The following PTPN21 variants were observed in gnomAD, a reference collection of about 807,000 sequenced individuals.
PTPN21 encodes the protein tyrosine-protein phosphatase non-receptor type 21.
In PTPN21, 77 loss-of-function variants were observed where a neutral mutation model predicts 131.8. That is an observed-to-expected ratio of 0.58 (90% CI 0.49 to 0.71). The LOEUF (loss-of-function observed/expected upper bound fraction) is 0.71. Ranked by LOEUF, PTPN21 falls within the 30% of genes least tolerant of loss-of-function variation. PTPN21 has a pLI of 0.00. For missense variants in PTPN21, 1,552 were observed against 1,527.1 expected, an observed-to-expected ratio of 1.02 and a Z score of -0.27; for synonymous variants, 715 against 621.3, an observed-to-expected ratio of 1.15 and a Z score of -2.24.
rs776573397 is a variant in PTPN21, at chr14:88,507,874, C to T, written c.448+49G>A. 4.2e-6 allele frequency: 5 copies of T among 1,182,268 alleles called. No homozygotes were observed. The South Asian group carries it at 7.2e-5, about 17-fold the overall frequency. The allele number at this position is 1,182,268 out of a possible 1,614,324, so 73.2% of individuals were successfully genotyped here. A position where few individuals can be genotyped will look rare whatever the true frequency, so the allele number is the denominator to read the frequency against. On this transcript the variant is annotated intron_variant, in intron 4 of 18. Transcript: ENST00000556564. ...AAAATCCCTTGCTATTTTGTTGTAA[C>T]ACATTTTAATCTGATAGAACCATTT...
At chr14:88,534,027 T>C (rs1315629297) in intron 2 of PTPN21, among the ~76,000 whole-genome samples, 1 of 152,110 alleles carries the variant, frequency 6.6e-6, no homozygotes, top group African/African-American at 2.4e-5. Context: ...TTGATGATCC[T>C]GACCCTGTTT....
At chr14:88,493,450 C>T (rs73315965) in intron 10 of PTPN21, among the ~76,000 whole-genome samples, 5,614 of 152,218 alleles carry the variant, frequency 0.037, 350 homozygotes, top group African/African-American at 0.13. Flanking sequence ...AGATGCCTTC[C>T]TGGAGTCAGA....
At chr14:88,468,378 TC>T in intron 18 of PTPN21, 113 bp from the exon 19 acceptor site, 1 of 1,055,634 alleles carries the variant, frequency 9.5e-7, no homozygotes, top group Non-Finnish European at 1.3e-6. Context: ...CAGTCTCTTT[TC>T]CACCTTAGCG....
rs996543570 is a variant in PTPN21 at position 88,467,051 on chromosome 14, T to TG, written c.*1085dup. On this transcript the variant is annotated 3_prime_UTR_variant, in exon 19 of 19. Transcript: ENST00000556564. ...CTTGAATTCCCTGGGGACAGTGCTG[T>TG]GGGGTCCCCTGCTCGCCATCCCAGC... is the stretch of plus-strand genomic sequence containing the variant. 8 of 152,182 alleles carry TG rather than the reference T, an allele frequency of 5.3e-5. No homozygotes were observed. Among genetic ancestry groups the TG allele is most frequent in the African/African-American group, 1.9e-4 (8 of 41,432 alleles). The allele number at this position is 152,182 out of a possible 1,614,324, so 9.4% of individuals were successfully genotyped here. A position where few individuals can be genotyped will look rare whatever the true frequency, so the allele number is the denominator to read the frequency against.
rs776145921 is a variant in PTPN21 at position 88,469,487 on chromosome 14, A to T, written c.3235+12T>A. 1 of 1,594,284 alleles carries T rather than the reference A, an allele frequency of 6.3e-7. No individual in the cohort carries two copies. The highest frequency in any genetic ancestry group is 8.6e-7 in the Non-Finnish European group (1 of 1,162,144). ...AGGCAGCTGTCCTCGGAACAAAGTT[A>T]AAGTCACTCACATAAAAATCCCTTG... On this transcript the variant is annotated intron_variant, in intron 17 of 18. Transcript: ENST00000556564. This position sits in a 1 kb window ranked among gnomAD's most constrained non-coding sequence, Gnocchi z 4.3.
chr14:88,532,196 GTACCAATCCTA>G (rs753597325), intron 2 of PTPN21, among the ~76,000 whole-genome samples: 7 of 150,558 alleles, frequency 4.6e-5, no homozygotes, highest in Non-Finnish European at 7.4e-5. Context: ...AGAAGAATTG[GTACCAATCCTA>G]CTGAAACTAT....
At chr14:88,532,078 C>T (rs1045053129) in intron 2 of PTPN21, among the ~76,000 whole-genome samples, 1 of 151,188 alleles carries the variant, frequency 6.6e-6, no homozygotes, top group Non-Finnish European at 1.5e-5. Flanking sequence ...CTGGACAGAC[C>T]AATAACAAGT....
Position 88,503,290 on chromosome 14 carries a change from T to A in PTPN21, c.587+1135A>T, listed in dbSNP as rs540049557. On this transcript the variant is annotated intron_variant, in intron 6 of 18. Coordinates refer to ENST00000556564, the MANE Select transcript of PTPN21 (RefSeq NM_007039.4). Reference sequence around the variant, plus strand: ...ACCTCGTGATCTGCCCACCTCAGCCTCCCAAGTGCTGGGATTACAGGTGTG... The same window carrying A: ...ACCTCGTGATCTGCCCACCTCAGCCACCCAAGTGCTGGGATTACAGGTGTG... Among the ~76,000 whole-genome samples the A allele has an allele frequency of 1.3e-4, 20 of 152,318 alleles. No individual in the cohort carries two copies. The Middle Eastern group carries it at 0.014, about 104-fold the overall frequency.
rs2078816452 is a variant in PTPN21, at chr14:88,548,618, C to T, written c.180+1620G>A. Among the ~76,000 whole-genome samples the T allele has an allele frequency of 3.9e-5, 6 of 152,152 alleles. 1 individual carries two copies. In the South Asian group the frequency reaches 1.2e-3, roughly 31 times the overall value. ...CTTCCAAGTATGTATGTGCTTGGCACTTACGCATCTTCAGTACTGAGTGAT... is the reference window on the plus strand; with the variant it reads ...CTTCCAAGTATGTATGTGCTTGGCATTTACGCATCTTCAGTACTGAGTGAT... On this transcript the variant is annotated intron_variant, in intron 2 of 18. Coordinates refer to ENST00000556564, the MANE Select transcript of PTPN21 (RefSeq NM_007039.4).
chr14:88,479,789 G>GCAGCTGCGCATTGGT lies in PTPN21; in HGVS notation c.1627_1641dup (p.Thr543_Leu547dup), dbSNP rs2077616284. Reference sequence around the variant, plus strand: ...TTGGGAGACGGGTAGTCCTGCGCCTGCAGCTGCGCATTGGTCAGCTCCGGC... The same window carrying GCAGCTGCGCATTGGT: ...TTGGGAGACGGGTAGTCCTGCGCCTGCAGCTGCGCATTGGTCAGCTGCGCATTGGTCAGCTCCGGC... On this transcript the variant is annotated inframe_insertion, in exon 13 of 19. Coordinates refer to ENST00000556564, the MANE Select transcript of PTPN21 (RefSeq NM_007039.4). 1 of 1,545,332 alleles carries GCAGCTGCGCATTGGT rather than the reference G, an allele frequency of 6.5e-7. No homozygotes were observed. The highest frequency in any genetic ancestry group is 2.3e-5 in the East Asian group (1 of 44,440).
chr14:88,521,408 A>AT (rs889716568), intron 2 of PTPN21, among the ~76,000 whole-genome samples: 208 of 145,702 alleles, frequency 1.4e-3, no homozygotes, highest in Middle Eastern at 3.5e-3. Flanking sequence ...ACAGCAGGTC[A>AT]TTTTTTTTTT....
At position 88,467,950 on chromosome 14, in the gene PTPN21, A is replaced by G; in HGVS notation, c.*187T>C. 2 of 773,360 alleles carry G rather than the reference A, an allele frequency of 2.6e-6. No individual in the cohort carries two copies. The highest frequency in any genetic ancestry group is 1.6e-5 in the South Asian group (1 of 61,626). 47.9% of individuals were successfully genotyped at this position (773,360 alleles called of 1,614,324 possible). ...CCTCCTTGAGCACCTTTCCCAGGTT[A>G]GAAACCCCTCTTCAGCCTGTGCTTC... On this transcript the variant is annotated 3_prime_UTR_variant, in exon 19 of 19. Transcript: ENST00000556564.
chr14:88,473,531 T>C (rs2077501888), intron 14 of PTPN21, 134 bp downstream of exon 14: 2 of 1,043,250 alleles, frequency 1.9e-6, no homozygotes, highest in Non-Finnish European at 1.4e-6. Flanking sequence ...TTGAGGCCCA[T>C]ATTACAAAAT....
At chr14:88,485,894 T>C in intron 10 of PTPN21, 52 bp from the exon 11 acceptor site, 1 of 1,125,580 alleles carries the variant, frequency 8.9e-7, no homozygotes, top group Non-Finnish European at 1.3e-6. Context: ...TCTCTTAAAT[T>C]CTACCAAAAC....
chr14:88,531,385 C>T (rs1426532910), intron 2 of PTPN21, among the ~76,000 whole-genome samples: 1 of 152,150 alleles, frequency 6.6e-6, no homozygotes, highest in South Asian at 2.1e-4. Context: ...AGTGAAACCC[C>T]ATCTCTACTA....
At chr14:88,495,042 A>G (rs2077887761) in intron 10 of PTPN21, among the ~76,000 whole-genome samples, 2 of 114,492 alleles carry the variant, frequency 1.7e-5, no homozygotes, top group Admixed American at 1.6e-4. Context: ...AAAAAAAAGA[A>G]GAGTGTCAGT....
At chr14:88,549,782 A>G (rs2078833989) in intron 2 of PTPN21, among the ~76,000 whole-genome samples, 1 of 137,576 alleles carries the variant, frequency 7.3e-6, no homozygotes, top group East Asian at 2.1e-4. Flanking sequence ...TTTTTTTTTG[A>G]GCAGGTGTCT....
intron 2 of PTPN21, among the ~76,000 whole-genome samples, chr14:88,546,203 A>G (rs1215852486): frequency 6.6e-6 from 1 of 151,638 alleles, no homozygotes; most frequent in Non-Finnish European, 1.5e-5. Context: ...AGTGTAAGAA[A>G]CACTACTGAT....
At chr14:88,473,329 A>G (rs181174849) in intron 14 of PTPN21, among the ~76,000 whole-genome samples, 117 of 152,278 alleles carry the variant, frequency 7.7e-4, no homozygotes, top group African/African-American at 2.7e-3. Context: ...ATAAAAGTCA[A>G]TGTCTGCTGC....
Sources: allele counts gnomAD v4.1 joint callset (sites outside exome capture counted in the v4.1 genomes callset), GRCh38; gene constraint gnomAD v4.1.1; non-coding constraint Gnocchi (gnomAD v3.1); transcripts MANE v1.5; gene names NCBI Gene and HGNC (gene_info 2026-07-23, HGNC 2026-07-21).